Variants in NSMAF observed in about 807,000 individuals in gnomAD.
NSMAF encodes neutral sphingomyelinase activation associated factor, also known as protein FAN.
In NSMAF, 90 loss-of-function variants were observed where a neutral mutation model predicts 134.9. The ratio of observed to expected loss-of-function variants is 0.67; its 90% CI spans 0.56 to 0.79. The LOEUF (loss-of-function observed/expected upper bound fraction) is 0.79. Ranked by LOEUF, NSMAF falls within the 30% of genes least tolerant of loss-of-function variation. The probability of loss-of-function intolerance (pLI) is 0.00; values close to 1 mark genes in which losing one functional copy is unlikely to be tolerated. For synonymous variants in NSMAF, 358 were observed against 389.6 expected (o/e 0.92, Z 0.96); for missense variants, 1,010 against 1,119.0 (o/e 0.90, Z 1.39).
At chr8:58,593,492 A>G (rs1806065624) in intron 23 of NSMAF, among the ~76,000 whole-genome samples, 1 of 152,248 alleles carries the variant, frequency 6.6e-6, no homozygotes, top group Non-Finnish European at 1.5e-5. Flanking sequence ...GCCTTACTTT[A>G]TAAAGTTACA....
At chr8:58,612,363 G>T (rs139776887) in intron 9 of NSMAF, among the ~76,000 whole-genome samples, 128 of 152,230 alleles carry the variant, frequency 8.4e-4, no homozygotes, top group African/African-American at 2.9e-3. Context: ...GTGCCAGGAG[G>T]GTGATGTACC....
At chr8:58,619,704 G>C (rs1482005058) in intron 9 of NSMAF, among the ~76,000 whole-genome samples, 5 of 151,840 alleles carry the variant, frequency 3.3e-5, no homozygotes, top group Admixed American at 6.6e-5. Flanking sequence ...CAAATATGAA[G>C]TACTAGGAAT....
At chr8:58,635,437 A>G (rs748042467) in intron 3 of NSMAF, 31 bp downstream of exon 3, 3 of 1,570,396 alleles carry the variant, frequency 1.9e-6, no homozygotes, top group Admixed American at 1.9e-5. Flanking sequence ...AAAAATAGGA[A>G]TGTTTCTGTT....
intron 1 of NSMAF, among the ~76,000 whole-genome samples, chr8:58,648,128 C>T (rs1807503681): frequency 6.6e-6 from 1 of 152,166 alleles, no homozygotes; most frequent in South Asian, 2.1e-4. Flanking sequence ...AAAGGTCGCC[C>T]TTGTTACAAA....
At chr8:58,597,961 G>T (rs1194888743) in intron 19 of NSMAF, 59 bp from the exon 20 acceptor site, 10 of 1,216,880 alleles carry the variant, frequency 8.2e-6, no homozygotes, top group Non-Finnish European at 1.1e-5. Context: ...AATATACACT[G>T]TTTAGAACCT....
At chr8:58,616,598 T>C (rs1233055628) in intron 9 of NSMAF, among the ~76,000 whole-genome samples, 1 of 152,128 alleles carries the variant, frequency 6.6e-6, no homozygotes, top group African/African-American at 2.4e-5. Flanking sequence ...AAAGGAATAT[T>C]TTCATTCTGT....
Position 58,588,715 on chromosome 8 carries a change from T to C in NSMAF, c.2211+737A>G, listed in dbSNP as rs2129139098. The C allele has an allele frequency of 2.0e-6, 3 of 1,535,678 alleles. No individual in the cohort carries two copies. The East Asian group carries it at 6.7e-5, about 34-fold the overall frequency. On this transcript the variant is annotated intron_variant, in intron 26 of 30. Coordinates refer to ENST00000038176, the MANE Select transcript of NSMAF (RefSeq NM_003580.4). ...GTTAGTGCAGCGAATAGGCTGCACG[T>C]GGCCGCGGCCCTTTTTGGCACGACC...
At chr8:58,609,925 T>C (rs962599447) in intron 9 of NSMAF, among the ~76,000 whole-genome samples, 192 bp from the exon 10 acceptor site, 4 of 152,174 alleles carry the variant, frequency 2.6e-5, no homozygotes, top group Non-Finnish European at 5.9e-5. Context: ...TAAAAACTCA[T>C]TTTTCAAAGA....
chr8:58,597,226 G>T (rs558141678), intron 21 of NSMAF, among the ~76,000 whole-genome samples, 161 bp downstream of exon 21: 67 of 152,248 alleles, frequency 4.4e-4, no homozygotes, highest in African/African-American at 1.5e-3. Context: ...AACAACATCA[G>T]CAAAAACAGG....
intron 1 of NSMAF, among the ~76,000 whole-genome samples, chr8:58,652,863 T>C (rs934386010): frequency 6.6e-6 from 1 of 152,188 alleles, no homozygotes. Flanking sequence ...TTTATCATCA[T>C]CCAACCCTGA....
At chr8:58,631,996 A>G (rs1289460771) in intron 5 of NSMAF, among the ~76,000 whole-genome samples, 1 of 152,136 alleles carries the variant, frequency 6.6e-6, no homozygotes, top group Non-Finnish European at 1.5e-5. Flanking sequence ...GTCCTTACAT[A>G]GTATATTAAT....
At chr8:58,599,915 T>TAA (rs758492750) in intron 17 of NSMAF, 45 bp from the exon 18 acceptor site, 1 of 1,613,302 alleles carries the variant, frequency 6.2e-7, no homozygotes, top group Non-Finnish European at 8.5e-7. Flanking sequence ...AAACATGTTT[T>TAA]AAAGCAGTTA....
chr8:58,585,715 C>T lies in NSMAF; in HGVS notation c.2596G>A (p.Gly866Ser). The T allele has an allele frequency of 1.2e-5, 19 of 1,614,146 alleles. No individual in the cohort carries two copies. The highest frequency in any genetic ancestry group is 1.6e-5 in the Non-Finnish European group (19 of 1,180,008). Residue 866 changes from glycine to serine, a missense_variant, in exon 30 of 31, where the codon GGT becomes AGT. Transcript: ENST00000038176. ...GNSVLSGSQS[G>S]ELLVWDLLGA... ...AGGAGGTCCCAAACGAGCAGTTCAC[C>T]AGACTGACTGCCAGATAAAACGGAA... is the stretch of plus-strand genomic sequence containing the variant.
At chr8:58,626,038 G>A (rs554702566) in intron 6 of NSMAF, among the ~76,000 whole-genome samples, 10 of 146,802 alleles carry the variant, frequency 6.8e-5, no homozygotes, top group South Asian at 2.2e-4. Flanking sequence ...TTTTTTATCC[G>A]TCATCACCAC....
At chr8:58,612,214 G>C (rs1806544433) in intron 9 of NSMAF, among the ~76,000 whole-genome samples, 1 of 152,124 alleles carries the variant, frequency 6.6e-6, no homozygotes, top group Non-Finnish European at 1.5e-5. Flanking sequence ...AGAGCTTTTG[G>C]CCACACTCGC....
At chr8:58,592,606 G>A (rs1043524093) in intron 23 of NSMAF, among the ~76,000 whole-genome samples, 5 of 152,136 alleles carry the variant, frequency 3.3e-5, no homozygotes, top group Admixed American at 1.3e-4. Context: ...AAACTCTCTC[G>A]GCCGGGCGTG....
At chr8:58,614,411 G>T (rs574484528) in intron 9 of NSMAF, among the ~76,000 whole-genome samples, 1 of 152,170 alleles carries the variant, frequency 6.6e-6, no homozygotes, top group Admixed American at 6.5e-5. Flanking sequence ...GTAGAGTGAC[G>T]GTCATGAGCC....
intron 6 of NSMAF, among the ~76,000 whole-genome samples, chr8:58,624,910 T>C (rs1258338597): frequency 1.3e-5 from 2 of 152,248 alleles, no homozygotes; most frequent in Non-Finnish European, 2.9e-5. Flanking sequence ...GTTCGCTTCA[T>C]ATATTTAGAT....
chr8:58,644,208 T>C (rs1807394928), intron 1 of NSMAF, among the ~76,000 whole-genome samples: 1 of 152,206 alleles, frequency 6.6e-6, no homozygotes, highest in Non-Finnish European at 1.5e-5. Context: ...CACATATATG[T>C]TTATTTCACT....
Sources: gnomAD v4.1 joint callset for allele counts (sites outside exome capture counted in the v4.1 genomes callset) on GRCh38, gnomAD v4.1.1 for gene constraint, MANE v1.5 for transcripts, NCBI Gene and HGNC (gene_info 2026-07-23, HGNC 2026-07-21) for gene names.